Variants in NUP85 observed in about 807,000 individuals in gnomAD.
NUP85 encodes nucleoporin 85.
A neutral mutation model predicts 92.8 loss-of-function variants in NUP85; 23 were observed. That is an observed-to-expected ratio of 0.25 (90% CI 0.18 to 0.35). The LOEUF (loss-of-function observed/expected upper bound fraction) is 0.35, where lower values mean the gene tolerates loss of function less well. Ranked by LOEUF, NUP85 falls within the 10% of genes least tolerant of loss-of-function variation. The pLI, the probability that NUP85 is intolerant of heterozygous loss-of-function variation, is 1.00. For synonymous variants in NUP85, 314 were observed against 306.9 expected (o/e 1.02, Z -0.24); for missense variants, 759 against 822.8 (o/e 0.92, Z 0.95).
At chr17:75,211,369 T>C (rs539717779) in intron 3 of NUP85, among the ~76,000 whole-genome samples, 1 of 151,630 alleles carries the variant, frequency 6.6e-6, no homozygotes, top group South Asian at 2.1e-4. Context: ...TTGTCACTTC[T>C]AGGAAAAAAA....
Position 75,208,512 on chromosome 17 carries a change from G to A in NUP85, c.34-15G>A, listed in dbSNP as rs949020204. 7.6e-7 allele frequency: 1 copy of A among 1,316,042 alleles called. No homozygotes were observed. The highest frequency in any genetic ancestry group is 1.1e-6 in the Non-Finnish European group (1 of 914,984). The allele number at this position is 1,316,042 out of a possible 1,614,324, so 81.5% of individuals were successfully genotyped here. A position where few individuals can be genotyped will look rare whatever the true frequency, so the allele number is the denominator to read the frequency against. ...AACATTTTTCATTTTAGATTTCTAT[G>A]CCTTATTTTACTAGTTGATTCCAGG... On this transcript the variant is annotated splice_polypyrimidine_tract_variant and intron_variant, in intron 1 of 18. Coordinates refer to ENST00000245544, the MANE Select transcript of NUP85 (RefSeq NM_024844.5).
intron 7 of NUP85, among the ~76,000 whole-genome samples, chr17:75,224,561 G>A (rs2075706019): frequency 6.6e-6 from 1 of 151,934 alleles, no homozygotes; most frequent in Admixed American, 6.6e-5. Context: ...GGCTGAGCGT[G>A]GTGGCTCACG....
At position 75,231,607 on chromosome 17, in the gene NUP85, G is replaced by C. The variant is rs1476006163; in HGVS notation, c.1213G>C (p.Glu405Gln). Residue 405 changes from glutamate (E) to glutamine (Q), a missense_variant, in exon 13 of 19, where the codon GAG (glutamate) becomes CAG (glutamine). Transcript: ENST00000245544. The surrounding 1 kb of genome is among the most constrained non-coding windows in gnomAD (Gnocchi z 4.6). ...CAACATGAGAGAGTTCCTCCTGCTG[G>C]AGTACGCCTCGGGACTGTTTGCTCA... ...GSNMREFLLL[E>Q]YASGLFAHPS... 6.2e-7 allele frequency: 1 copy of C among 1,614,082 alleles called. No homozygotes were observed.
chr17:75,210,576 CATGG>C (rs749571890), intron 3 of NUP85, among the ~76,000 whole-genome samples: 32 of 152,218 alleles, frequency 2.1e-4, no homozygotes, highest in Non-Finnish European at 4.1e-4. Flanking sequence ...CGTCCCTTCA[CATGG>C]ATGGCTAGGG....
chr17:75,208,810 A>T (rs2075169319), intron 2 of NUP85, among the ~76,000 whole-genome samples, 190 bp downstream of exon 2: 1 of 152,072 alleles, frequency 6.6e-6, no homozygotes, highest in Non-Finnish European at 1.5e-5. Context: ...CAGTGTGATC[A>T]TGGCTCACTG....
intron 7 of NUP85, among the ~76,000 whole-genome samples, chr17:75,220,968 G>T (rs8081492): frequency 1.4e-5 from 2 of 147,952 alleles, no homozygotes; most frequent in Non-Finnish European, 1.5e-5. Context: ...TGCAAGCTCC[G>T]CCTCCCGGGT....
chr17:75,222,123 A>G (rs2075614569), intron 7 of NUP85, among the ~76,000 whole-genome samples: 1 of 152,112 alleles, frequency 6.6e-6, no homozygotes, highest in Non-Finnish European at 1.5e-5. Flanking sequence ...AGCTCACTGC[A>G]GCCTTGACCG....
intron 5 of NUP85, among the ~76,000 whole-genome samples, chr17:75,213,833 T>A (rs2145291317): frequency 6.6e-6 from 1 of 150,498 alleles, no homozygotes; most frequent in South Asian, 2.1e-4. Flanking sequence ...GGATTATAGG[T>A]GTGAGCTGCC....
At chr17:75,212,417 C>T (rs2075303409) in intron 4 of NUP85, among the ~76,000 whole-genome samples, 1 of 148,034 alleles carries the variant, frequency 6.8e-6, no homozygotes, top group Non-Finnish European at 1.5e-5. Flanking sequence ...TACAGTTGTA[C>T]ACCACCAAGC....
rs199962350 is a variant in NUP85, at chr17:75,226,015, G to A, written c.988-36G>A. 1.2e-5 allele frequency: 20 copies of A among 1,610,474 alleles called. No individual in the cohort carries two copies. The African/African-American group carries it at 2.1e-4, about 17-fold the overall frequency. ...CTGCCTGCCCCGAGTCTCTGCTTCC[G>A]TCCTCAGGATTGAGTGTCTCATCAC... On this transcript the variant is annotated intron_variant, in intron 10 of 18. Transcript: ENST00000245544.
chr17:75,225,441 C>G lies in NUP85; in HGVS notation c.832C>G (p.Pro278Ala), dbSNP rs1418022980. The G allele has an allele frequency of 1.9e-6, 3 of 1,613,944 alleles. No individual in the cohort carries two copies. Among genetic ancestry groups the G allele is most frequent in the Non-Finnish European group, 2.5e-6 (3 of 1,180,026 alleles). ...CCAGGACAGCACATTCGCCACCAGC[C>G]CTCACCTGGAGTCTCTCTTGAAGGT... ...YLQDSTFATS[P>A]HLESLLKIML... The change falls in exon 9 of 19, where the codon CCT (proline) becomes GCT (alanine). Residue 278 changes from proline (P) to alanine (A), a missense_variant. Physicochemically the swap from Pro to Ala is conservative, Grantham distance 27. Transcript: ENST00000245544.
At chr17:75,210,601 G>A (rs1239403629) in intron 3 of NUP85, among the ~76,000 whole-genome samples, 1 of 152,190 alleles carries the variant, frequency 6.6e-6, no homozygotes, top group African/African-American at 2.4e-5. Flanking sequence ...AATGGGCAGT[G>A]TTGGTATGTT....
chr17:75,231,790 G>C lies in NUP85; in HGVS notation c.1245-38G>C, dbSNP rs745960146. ...TAGGTGCCAGTCCTCGGAGCCATGAGGCAGCACCTCATGTCTGTCCTCCTC... is the reference window on the plus strand; with the variant it reads ...TAGGTGCCAGTCCTCGGAGCCATGACGCAGCACCTCATGTCTGTCCTCCTC... On this transcript the variant is annotated intron_variant, in intron 13 of 18. Transcript: ENST00000245544. This position sits in a 1 kb window ranked among gnomAD's most constrained non-coding sequence, Gnocchi z 4.6. 3 of 1,612,506 alleles carry C rather than the reference G, an allele frequency of 1.9e-6. No homozygotes were observed. The South Asian group carries it at 3.3e-5, about 18-fold the overall frequency.
Position 75,221,160 on chromosome 17 carries a change from G to A in NUP85, c.597+2854G>A, listed in dbSNP as rs568101525. On this transcript the variant is annotated intron_variant, in intron 7 of 18. Coordinates refer to ENST00000245544, the MANE Select transcript of NUP85 (RefSeq NM_024844.5). ...CTCCCAAAGTGGTGGGTTTACAGGC[G>A]TGAGCCGCCACGCCCGGCTAACCCA... Among the ~76,000 whole-genome samples, 11 of 151,330 alleles carry A rather than the reference G, an allele frequency of 7.3e-5. No individual in the cohort carries two copies. In the South Asian group the frequency reaches 1.9e-3, roughly 26 times the overall value.
intron 3 of NUP85, among the ~76,000 whole-genome samples, chr17:75,211,080 G>T (rs1447944173): frequency 6.3e-5 from 9 of 142,744 alleles, no homozygotes; most frequent in Admixed American, 5.3e-4. Context: ...TTGGCCCACT[G>T]CAGCCTCTGC....
At chr17:75,215,114 T>G (rs1267014483) in intron 5 of NUP85, among the ~76,000 whole-genome samples, 1 of 152,210 alleles carries the variant, frequency 6.6e-6, no homozygotes, top group Non-Finnish European at 1.5e-5. Flanking sequence ...GAAGTTGCAG[T>G]GAGCCAAGAT....
chr17:75,234,975 T>G, intron 17 of NUP85, 125 bp from the exon 18 acceptor site: 1 of 1,015,972 alleles, frequency 9.8e-7, no homozygotes, highest in Non-Finnish European at 1.5e-6. Flanking sequence ...TGAAATGAGG[T>G]ATTCGTATAC....
At chr17:75,229,005 T>C in intron 11 of NUP85, 1 of 985,482 alleles carries the variant, frequency 1.0e-6, no homozygotes. Context: ...CAGCTTCCTC[T>C]GAAGACGGGC....
intron 11 of NUP85, among the ~76,000 whole-genome samples, chr17:75,229,572 G>C (rs1307060441): frequency 5.3e-5 from 8 of 152,204 alleles, no homozygotes; most frequent in Non-Finnish European, 1.0e-4. Context: ...GAGTGAGAGA[G>C]AGACAGAGTG....
Sources: allele counts gnomAD v4.1 joint callset (sites outside exome capture counted in the v4.1 genomes callset), GRCh38; gene constraint gnomAD v4.1.1; non-coding constraint Gnocchi (gnomAD v3.1); transcripts MANE v1.5; gene names NCBI Gene and HGNC (gene_info 2026-07-23, HGNC 2026-07-21).